CATSPERT: variants seen among roughly 807,000 people sequenced by gnomAD.
CATSPERT encodes cation channel sperm-associated targeting subunit tau.
the CATSPERT span, among the ~76,000 whole-genome samples, chr2:201,591,201 A>G: frequency 2.0e-5 from 3 of 152,024 alleles, no homozygotes; most frequent in Non-Finnish European, 4.4e-5. Context: ...CTTTCTACAT[A>G]TGGCTAGCCA....
At chr2:201,603,714 G>T in the CATSPERT span, among the ~76,000 whole-genome samples, 5 of 152,182 alleles carry the variant, frequency 3.3e-5, no homozygotes, top group African/African-American at 1.2e-4. Context: ...GCTATAACAT[G>T]CCAAGGACTG....
the CATSPERT span, among the ~76,000 whole-genome samples, chr2:201,596,889 G>A: frequency 1.3e-5 from 2 of 152,058 alleles, no homozygotes; most frequent in Non-Finnish European, 2.9e-5. Flanking sequence ...CTGTTTCCAC[G>A]TTGATACGTT....
chr2:201,601,761 T>G, the CATSPERT span: 1 of 1,611,676 alleles, frequency 6.2e-7, no homozygotes, highest in Middle Eastern at 1.7e-4. Context: ...ATACTTCACT[T>G]CATCGAACTT....
the CATSPERT span, among the ~76,000 whole-genome samples, chr2:201,609,413 A>T: frequency 6.6e-6 from 1 of 152,218 alleles, no homozygotes; most frequent in African/African-American, 2.4e-5. Context: ...CACATGGAAA[A>T]TTCTCCATGA....
chr2:201,613,585 C>G, the CATSPERT span, among the ~76,000 whole-genome samples: 1 of 152,130 alleles, frequency 6.6e-6, no homozygotes, highest in Non-Finnish European at 1.5e-5. Context: ...GTAGATAAAA[C>G]CACAAAGATG....
At chr2:201,505,700 A>G in the CATSPERT span, among the ~76,000 whole-genome samples, 1 of 152,170 alleles carries the variant, frequency 6.6e-6, no homozygotes, top group African/African-American at 2.4e-5. Flanking sequence ...CATGACAACA[A>G]AATGCAATGT....
chr2:201,558,884 C>T, the CATSPERT span, among the ~76,000 whole-genome samples: 1 of 152,176 alleles, frequency 6.6e-6, no homozygotes, highest in Non-Finnish European at 1.5e-5. Context: ...CTGAACACTA[C>T]ACCCCAGTTG....
chr2:201,614,518 T>C, the CATSPERT span, among the ~76,000 whole-genome samples: 1 of 152,186 alleles, frequency 6.6e-6, no homozygotes, highest in Non-Finnish European at 1.5e-5. Context: ...CTGAGAGATT[T>C]TGTCACCACC....
the CATSPERT span, among the ~76,000 whole-genome samples, chr2:201,603,997 A>G: frequency 6.6e-6 from 1 of 152,324 alleles, no homozygotes; most frequent in Non-Finnish European, 1.5e-5. Context: ...AGAAAATAAA[A>G]ATAACTGTAA....
chr2:201,561,402 T>C, the CATSPERT span, among the ~76,000 whole-genome samples: 7 of 152,170 alleles, frequency 4.6e-5, no homozygotes, highest in African/African-American at 4.8e-5. Flanking sequence ...TCAAAACTCA[T>C]TGAAGTAGTT....
the CATSPERT span, among the ~76,000 whole-genome samples, chr2:201,588,659 G>A: frequency 6.7e-6 from 1 of 149,370 alleles, no homozygotes; most frequent in African/African-American, 2.5e-5. Flanking sequence ...AACAATGGAT[G>A]TAAATCCAAA....
chr2:201,554,246 A>G, the CATSPERT span: 1 of 152,244 alleles, frequency 6.6e-6, no homozygotes, highest in South Asian at 2.1e-4. Flanking sequence ...TTTTAAATAT[A>G]TGCTTTTTCT....
At chr2:201,560,156 G>A in the CATSPERT span, among the ~76,000 whole-genome samples, 3 of 152,060 alleles carry the variant, frequency 2.0e-5, no homozygotes, top group South Asian at 2.1e-4. Context: ...GGCCAGGTAC[G>A]GTGGCTCACA....
chr2:201,577,496 A>T, the CATSPERT span, among the ~76,000 whole-genome samples: 1 of 152,356 alleles, frequency 6.6e-6, no homozygotes, highest in Admixed American at 6.5e-5. Context: ...AGTGTTCATC[A>T]CCAAATGAAC....
At chr2:201,551,409 T>G in the CATSPERT span, among the ~76,000 whole-genome samples, 1 of 152,162 alleles carries the variant, frequency 6.6e-6, no homozygotes, top group Non-Finnish European at 1.5e-5. Context: ...TACCATAAAA[T>G]ATACACAGAT....
At chr2:201,593,529 G>T in the CATSPERT span, among the ~76,000 whole-genome samples, 4 of 52,416 alleles carry the variant, frequency 7.6e-5, no homozygotes, top group East Asian at 2.5e-3. Flanking sequence ...TCAATTCCTG[G>T]GTATCCTTGT....
the CATSPERT span, among the ~76,000 whole-genome samples, chr2:201,551,976 T>C: frequency 6.6e-6 from 1 of 151,990 alleles, no homozygotes. Context: ...TTCTTTCTCT[T>C]TTCTTTGTTT....
the CATSPERT span, among the ~76,000 whole-genome samples, chr2:201,569,317 T>C: frequency 2.6e-5 from 4 of 152,208 alleles, no homozygotes; most frequent in Non-Finnish European, 5.9e-5. Context: ...ACCCAGAACT[T>C]TTCTGCTTAT....
the CATSPERT span, among the ~76,000 whole-genome samples, chr2:201,547,328 A>C: frequency 6.6e-6 from 1 of 152,152 alleles, no homozygotes; most frequent in Non-Finnish European, 1.5e-5. Context: ...AACCCTATAA[A>C]TTATCAATAA....
Sources: allele counts gnomAD v4.1 joint callset (sites outside exome capture counted in the v4.1 genomes callset), GRCh38; gene constraint gnomAD v4.1.1; transcripts MANE v1.5; gene names NCBI Gene and HGNC (gene_info 2026-07-23, HGNC 2026-07-21).